SREBF2: variants seen among roughly 807,000 people sequenced by gnomAD.
SREBF2 encodes sterol regulatory element binding transcription factor 2.
SREBF2 carries 55 observed loss-of-function variants against 113.1 expected under a neutral mutation model. The ratio of observed to expected loss-of-function variants is 0.49; its 90% CI spans 0.39 to 0.61. SREBF2 has a LOEUF of 0.61. Ranked by LOEUF, SREBF2 falls within the 20% of genes least tolerant of loss-of-function variation. The probability of loss-of-function intolerance (pLI) is 0.00; values close to 1 mark genes in which losing one functional copy is unlikely to be tolerated. For missense variants in SREBF2, 1,349 were observed against 1,487.4 expected (o/e 0.91, Z 1.53); for synonymous variants, 593 against 605.7 (o/e 0.98, Z 0.31).
At chr22:41,844,504 G>A (rs1416246020) in intron 1 of SREBF2, among the ~76,000 whole-genome samples, 3 of 152,152 alleles carry the variant, frequency 2.0e-5, no homozygotes, top group Non-Finnish European at 4.4e-5. Context: ...TAGAGTAGCA[G>A]AATCCCAGAG....
chr22:41,860,192 A>G (rs1184902904), intron 1 of SREBF2, among the ~76,000 whole-genome samples: 1 of 151,912 alleles, frequency 6.6e-6, no homozygotes, highest in Non-Finnish European at 1.5e-5. Context: ...ACTTGCAGAC[A>G]TTTAAGAAGA....
At chr22:41,864,247 TATATATATATATATACAC>T (rs1452443044) in intron 1 of SREBF2, among the ~76,000 whole-genome samples, 6 of 95,650 alleles carry the variant, frequency 6.3e-5, no homozygotes, top group Non-Finnish European at 1.2e-4. Context: ...TATATATATA[TATATATATATATATACAC>T]ACACACACAC....
chr22:41,869,460 G>A (rs1049143362), intron 3 of SREBF2, among the ~76,000 whole-genome samples: 1 of 150,346 alleles, frequency 6.7e-6, no homozygotes, highest in Non-Finnish European at 1.5e-5. Context: ...TGGGGGGAGG[G>A]GGGGCATGTA....
chr22:41,882,789 A>G (rs953706734), intron 10 of SREBF2, among the ~76,000 whole-genome samples: 1 of 152,186 alleles, frequency 6.6e-6, no homozygotes, highest in Non-Finnish European at 1.5e-5. Flanking sequence ...CTGGGCAACA[A>G]GAGCAAAACT....
intron 1 of SREBF2, among the ~76,000 whole-genome samples, chr22:41,864,967 C>G (rs2413662): frequency 0.12 from 18,959 of 152,008 alleles, 1,702 homozygotes; most frequent in Admixed American, 0.31. Flanking sequence ...AAAAGAGAGA[C>G]AGAGTCTCGC....
intron 1 of SREBF2, among the ~76,000 whole-genome samples, chr22:41,858,122 A>G (rs1315402823): frequency 6.6e-6 from 1 of 152,234 alleles, no homozygotes; most frequent in Non-Finnish European, 1.5e-5. Flanking sequence ...AGTTCTGTAC[A>G]TTCAATCAGG....
intron 1 of SREBF2, among the ~76,000 whole-genome samples, chr22:41,843,752 T>C (rs987836769): frequency 7.9e-5 from 12 of 151,924 alleles, no homozygotes; most frequent in African/African-American, 2.9e-4. Flanking sequence ...CCTAGCACTT[T>C]GGGAGGCCAA....
chr22:41,898,971 A>G, intron 15 of SREBF2, 190 bp downstream of exon 15: 2 of 825,938 alleles, frequency 2.4e-6, no homozygotes, highest in Non-Finnish European at 3.9e-6. Context: ...TCCTCTGTGC[A>G]AGTGTCCTGC....
At chr22:41,859,871 C>T (rs1342799613) in intron 1 of SREBF2, among the ~76,000 whole-genome samples, 1 of 123,842 alleles carries the variant, frequency 8.1e-6, no homozygotes, top group Non-Finnish European at 1.6e-5. Flanking sequence ...AGTGCAGTGG[C>T]GCAATCTCGG....
chr22:41,903,223 A>T (rs540468847), intron 17 of SREBF2, 68 bp downstream of exon 17: 1 of 1,520,746 alleles, frequency 6.6e-7, no homozygotes, highest in Non-Finnish European at 8.8e-7. Flanking sequence ...AGAACCCAGC[A>T]TGGGCACCAG....
Position 41,900,417 on chromosome 22 carries a change from C to T in SREBF2, c.2826C>T (p.Phe942=). ...AAGCAGATGGGCAGCAGAGTTCCTTCTGCCATTGCGAGAGGGCCAGTGGCC... is the reference window on the plus strand; with the variant it reads ...AAGCAGATGGGCAGCAGAGTTCCTTTTGCCATTGCGAGAGGGCCAGTGGCC... The part of the protein sequence containing the change: ...PGKADGQQSS[F]CHCERASGHL... The change falls in exon 16 of 19, where the codon TTC becomes TTT. Residue 942 remains phenylalanine (F), a synonymous_variant. Coordinates refer to ENST00000361204, the MANE Select transcript of SREBF2 (RefSeq NM_004599.4). 1 of 1,613,964 alleles carries T rather than the reference C, an allele frequency of 6.2e-7. No individual in the cohort carries two copies. Among genetic ancestry groups the T allele is most frequent in the Non-Finnish European group, 8.5e-7 (1 of 1,180,048 alleles).
At chr22:41,893,401 CGTTT>C (rs150115715) in intron 12 of SREBF2, 116 bp downstream of exon 12, 1,070 of 1,127,876 alleles carry the variant, frequency 9.5e-4, no homozygotes, top group East Asian at 1.3e-3. Flanking sequence ...TTGTTGAGTC[CGTTT>C]GTTTGTTTGT....
intron 1 of SREBF2, among the ~76,000 whole-genome samples, chr22:41,855,472 A>C (rs1379552903): frequency 1.3e-5 from 2 of 152,180 alleles, no homozygotes; most frequent in Non-Finnish European, 2.9e-5. Context: ...CAGTGAGCCA[A>C]GATTGTGCCA....
chr22:41,906,276 G>C lies in SREBF2; in HGVS notation c.*616G>C. 4.0e-6 allele frequency: 1 copy of C among 249,740 alleles called. No individual in the cohort carries two copies. The highest frequency in any genetic ancestry group is 7.9e-6 in the Non-Finnish European group (1 of 125,900). The allele number at this position is 249,740 out of a possible 1,614,324, so 15.5% of individuals were successfully genotyped here. Reference sequence around the variant, plus strand: ...GGGGAGGAGGGGGGCCCAGCCCTGGGAGGCTGGTGGGAGGCAGGGGGCAGG... The same window carrying C: ...GGGGAGGAGGGGGGCCCAGCCCTGGCAGGCTGGTGGGAGGCAGGGGGCAGG... On this transcript the variant is annotated 3_prime_UTR_variant, in exon 19 of 19. Coordinates refer to ENST00000361204, the MANE Select transcript of SREBF2 (RefSeq NM_004599.4).
chr22:41,851,563 G>A (rs574089484), intron 1 of SREBF2, among the ~76,000 whole-genome samples: 50 of 152,058 alleles, frequency 3.3e-4, no homozygotes, highest in African/African-American at 1.1e-3. Context: ...GCGCGATCTC[G>A]CCTCACTGCA....
At chr22:41,888,514 A>C (rs2077321890) in intron 11 of SREBF2, among the ~76,000 whole-genome samples, 1 of 152,140 alleles carries the variant, frequency 6.6e-6, no homozygotes, top group African/African-American at 2.4e-5. Context: ...CTAACGGCTG[A>C]GTTTTCTCTT....
At chr22:41,899,568 G>A in intron 15 of SREBF2, 1 of 992,358 alleles carries the variant, frequency 1.0e-6, no homozygotes, top group South Asian at 4.5e-5. Context: ...GTATACACAG[G>A]CTTGAAGTCC....
chr22:41,837,872 A>AAAG (rs1556026958), intron 1 of SREBF2, among the ~76,000 whole-genome samples: 13 of 151,188 alleles, frequency 8.6e-5, no homozygotes, highest in Admixed American at 2.6e-4. Flanking sequence ...AAAAAAAAAA[A>AAAG]AAAGAAAGAA....
intron 13 of SREBF2, among the ~76,000 whole-genome samples, chr22:41,896,608 C>T (rs1602344598): frequency 6.6e-6 from 1 of 152,356 alleles, no homozygotes; most frequent in Admixed American, 6.5e-5. Flanking sequence ...ATCTGCCTGC[C>T]TTGGCCTCCC....
Sources: gnomAD v4.1 joint callset for allele counts (sites outside exome capture counted in the v4.1 genomes callset) on GRCh38, gnomAD v4.1.1 for gene constraint, MANE v1.5 for transcripts, NCBI Gene and HGNC (gene_info 2026-07-23, HGNC 2026-07-21) for gene names.